The following SLC5A5 variants were observed in gnomAD, a reference collection of about 807,000 sequenced individuals.
The protein encoded by SLC5A5 is solute carrier family 5 member 5, also known as sodium/iodide cotransporter.
Under a neutral mutation model 68.6 loss-of-function variants are expected in SLC5A5, and 56 were observed. The observed-to-expected ratio is 0.82, with a 90% CI of 0.66 to 1.02. The LOEUF (loss-of-function observed/expected upper bound fraction) is 1.02. Among genes scored for constraint, SLC5A5 ranks in the 50% least tolerant of loss-of-function variants. The pLI is 0.00. For synonymous variants in SLC5A5, 398 were observed against 373.0 expected (o/e 1.07, Z -0.77); for missense variants, 807 against 859.8 (o/e 0.94, Z 0.77).
At chr19:17,884,637 G>C (rs998114276) in intron 12 of SLC5A5, among the ~76,000 whole-genome samples, 2 of 151,690 alleles carry the variant, frequency 1.3e-5, no homozygotes, top group Admixed American at 6.6e-5. Flanking sequence ...GCCAAGCGTG[G>C]TGGCAGGTGC....
Position 17,884,527 on chromosome 19 carries a change from T to C in SLC5A5, c.1526+481T>C, listed in dbSNP as rs2094328986. ...TGGCTCACACCTGTAATCCCAGCACTTTGGGAGGCTGAGGCAGGTGGATCA... is the reference window on the plus strand; with the variant it reads ...TGGCTCACACCTGTAATCCCAGCACCTTGGGAGGCTGAGGCAGGTGGATCA... On this transcript the variant is annotated intron_variant, in intron 12 of 14. Transcript: ENST00000222248. Among the ~76,000 whole-genome samples the C allele has an allele frequency of 2.0e-5, 3 of 151,652 alleles. No homozygotes were observed. In the South Asian group the frequency reaches 6.2e-4, roughly 32 times the overall value.
rs2030295756 is a variant in SLC5A5 at position 17,893,815 on chromosome 19, G to T, written c.1870G>T (p.Gly624Cys). The T allele has an allele frequency of 6.2e-7, 1 of 1,604,244 alleles. No individual in the cohort carries two copies. The highest frequency in any genetic ancestry group is 1.1e-5 in the South Asian group (1 of 89,794). ...GGGGCAGAAGGAGCTGGAGGGGGCT[G>T]GCTCTTGGACCCCCTGTGTTGGACA... is the stretch of plus-strand genomic sequence containing the variant. ...FLGQKELEGA[G>C]SWTPCVGHDG... The change falls in exon 15 of 15, where the codon GGC becomes TGC. Residue 624 changes from glycine (G) to cysteine (C), a missense_variant. Transcript: ENST00000222248.
At chr19:17,872,866 G>A (rs1225963011) in intron 1 of SLC5A5, among the ~76,000 whole-genome samples, 190 bp downstream of exon 1, 1 of 152,186 alleles carries the variant, frequency 6.6e-6, no homozygotes, top group Non-Finnish European at 1.5e-5. Context: ...CCCGGCGAGG[G>A]GCAGGAAGGA....
rs2094326992 is a variant in SLC5A5 at position 17,883,841 on chromosome 19, T to G, written c.1330-9T>G. 1 of 1,602,592 alleles carries G rather than the reference T, an allele frequency of 6.2e-7. No homozygotes were observed. Among genetic ancestry groups the G allele is most frequent in the Non-Finnish European group, 8.5e-7 (1 of 1,175,460 alleles). ...CCCTCCCCTTCCCTGACGCCGGCTC[T>G]GCCCCCAGGGCGTCCTCGCGGGACT... On this transcript the variant is annotated splice_polypyrimidine_tract_variant and intron_variant, in intron 11 of 14. Coordinates refer to ENST00000222248, the MANE Select transcript of SLC5A5 (RefSeq NM_000453.3).
At position 17,877,825 on chromosome 19, in the gene SLC5A5, G is replaced by T; in HGVS notation, c.801G>T (p.Gln267His). The T allele has an allele frequency of 6.2e-7, 1 of 1,614,252 alleles. No homozygotes were observed. The highest frequency in any genetic ancestry group is 8.5e-7 in the Non-Finnish European group (1 of 1,180,052). The part of the protein sequence containing the change: ...SMYGVNQAQV[Q>H]RYVACRTEKQ... ...ATGGCGTGAACCAGGCGCAGGTGCA[G>T]CGCTACGTGGCTTGCCGCACAGAGA... is the stretch of plus-strand genomic sequence containing the variant. Residue 267 changes from glutamine to histidine, a missense_variant, in exon 6 of 15, where the codon CAG becomes CAT. Transcript: ENST00000222248.
At chr19:17,874,264 C>A in intron 2 of SLC5A5, 61 bp downstream of exon 2, 2 of 1,239,730 alleles carry the variant, frequency 1.6e-6, no homozygotes, top group South Asian at 2.4e-5. Context: ...TTCACTAGCC[C>A]GGCCCCCACC....
intron 12 of SLC5A5, among the ~76,000 whole-genome samples, 171 bp downstream of exon 12, chr19:17,884,217 C>T (rs1241449729): frequency 6.6e-6 from 1 of 152,168 alleles, no homozygotes; most frequent in African/African-American, 2.4e-5. Context: ...AGTCCCAGTC[C>T]AACTGCACTG....
intron 1 of SLC5A5, among the ~76,000 whole-genome samples, chr19:17,873,331 G>A (rs1236916089): frequency 2.0e-5 from 3 of 151,384 alleles, no homozygotes; most frequent in Non-Finnish European, 4.4e-5. Flanking sequence ...TGTGGTGGTG[G>A]GCACCTGTAA....
chr19:17,881,853 G>A (rs761101283), intron 8 of SLC5A5, 107 bp from the exon 9 acceptor site: 18 of 803,946 alleles, frequency 2.2e-5, no homozygotes, highest in Non-Finnish European at 3.6e-5. Flanking sequence ...TTGCAGGACT[G>A]GGTTACCCCC....
At chr19:17,886,125 T>C (rs1351380714) in intron 12 of SLC5A5, among the ~76,000 whole-genome samples, 1 of 152,062 alleles carries the variant, frequency 6.6e-6, no homozygotes, top group African/African-American at 2.4e-5. Flanking sequence ...CCTTTCAAAG[T>C]ACTGGGATTA....
chr19:17,888,407 G>A lies in SLC5A5; in HGVS notation c.1603G>A (p.Gly535Ser). 1 of 1,613,892 alleles carries A rather than the reference G, an allele frequency of 6.2e-7. No homozygotes were observed. The highest frequency in any genetic ancestry group is 8.5e-7 in the Non-Finnish European group (1 of 1,179,990). ...CTCCTATCTCTATTACGGTGCCCTGGGCACGCTGACCACTGTGCTGTGCGG... is the reference window on the plus strand; with the variant it reads ...CTCCTATCTCTATTACGGTGCCCTGAGCACGCTGACCACTGTGCTGTGCGG... ...AISYLYYGALGTLTTVLCGAL... is the reference protein window; with the variant it reads ...AISYLYYGALSTLTTVLCGAL... The change falls in exon 13 of 15, where the codon GGC becomes AGC. Residue 535 changes from glycine to serine, a missense_variant. Coordinates refer to ENST00000222248, the MANE Select transcript of SLC5A5 (RefSeq NM_000453.3).
At chr19:17,892,695 A>AGAGAGAGAGAGAGAGAGCGC (rs528009112) in intron 14 of SLC5A5, among the ~76,000 whole-genome samples, 1 of 148,606 alleles carries the variant, frequency 6.7e-6, no homozygotes. Context: ...AGAGAGAGAG[A>AGAGAGAGAGAGAGAGAGCGC]GAGCAAGCTA....
At chr19:17,885,029 C>T (rs149507483) in intron 12 of SLC5A5, among the ~76,000 whole-genome samples, 2,187 of 142,298 alleles carry the variant, frequency 0.015, 88 homozygotes, top group African/African-American at 0.054. Flanking sequence ...TTTTTTGGAG[C>T]AGGGTCTTGC....
At chr19:17,890,748 C>T (rs1568426624) in intron 13 of SLC5A5, 138 bp from the exon 14 acceptor site, 5 of 708,682 alleles carry the variant, frequency 7.1e-6, no homozygotes, top group Non-Finnish European at 1.3e-5. Context: ...AGAGGCTTGC[C>T]AGGGTCCCTT....
rs775077311 is a variant in SLC5A5, at chr19:17,874,525, C to T, written c.455C>T (p.Pro152Leu). ...TACACCGGCATCGTAATCTACGCAC[C>T]GGCCCTCATCCTGAACCAAGGTGTG... The part of the protein sequence containing the change: ...MLYTGIVIYA[P>L]ALILNQVTGL... Residue 152 changes from proline (P) to leucine (L), a missense_variant, in exon 3 of 15, where the codon CCG becomes CTG. Physicochemically the swap from Pro to Leu is moderately conservative, Grantham distance 98 (BLOSUM62 -3). Transcript: ENST00000222248. The T allele has an allele frequency of 1.2e-6, 2 of 1,613,988 alleles. No homozygotes were observed. The highest frequency in any genetic ancestry group is 1.7e-6 in the Non-Finnish European group (2 of 1,179,988).
At chr19:17,893,617 G>A (rs964343557) in intron 14 of SLC5A5, 96 bp from the exon 15 acceptor site, 28 of 1,271,402 alleles carry the variant, frequency 2.2e-5, no homozygotes, top group South Asian at 3.7e-5. Context: ...GCCCCGTCCC[G>A]CCAGGTCATC....
chr19:17,883,861 G>T lies in SLC5A5; in HGVS notation c.1341G>T (p.Ala447=). Residue 447 remains alanine (A), a synonymous_variant, in exon 12 of 15, where the codon GCG becomes GCT. Transcript: ENST00000222248. ...GGCTCTGCCCCCAGGGCGTCCTCGCGGGACTAGGCGCGGGCTTGGCGCTGT... is the reference window on the plus strand; with the variant it reads ...GGCTCTGCCCCCAGGGCGTCCTCGCTGGACTAGGCGCGGGCTTGGCGCTGT... ...LPACNTPGVL[A]GLGAGLALSL... The T allele has an allele frequency of 1.3e-6, 2 of 1,592,210 alleles. No homozygotes were observed. Among genetic ancestry groups the T allele is most frequent in the East Asian group, 2.3e-5 (1 of 43,496 alleles).
At chr19:17,876,923 G>A (rs945065008) in intron 5 of SLC5A5, among the ~76,000 whole-genome samples, 1 of 150,842 alleles carries the variant, frequency 6.6e-6, no homozygotes, top group Non-Finnish European at 1.5e-5. Context: ...CCAGCTACTC[G>A]GGGAGGCTGA....
intron 12 of SLC5A5, among the ~76,000 whole-genome samples, chr19:17,885,366 GT>G (rs1327612374): frequency 6.8e-6 from 1 of 148,062 alleles, no homozygotes; most frequent in African/African-American, 2.6e-5. Context: ...TTTTGGGTGG[GT>G]TTTTTTGCTT....
Sources: gnomAD v4.1 joint callset for allele counts (sites outside exome capture counted in the v4.1 genomes callset) on GRCh38, gnomAD v4.1.1 for gene constraint, MANE v1.5 for transcripts, NCBI Gene and HGNC (gene_info 2026-07-23, HGNC 2026-07-21) for gene names.